Variants in AFAP1 observed in about 807,000 individuals in gnomAD.
AFAP1 encodes actin filament associated protein 1, also known as actin filament-associated protein 1.
A neutral mutation model predicts 93.9 loss-of-function variants in AFAP1; 75 were observed. The observed-to-expected ratio is 0.80, with a 90% CI of 0.66 to 0.97. The LOEUF is 0.97. AFAP1 is among the 50% of genes least tolerant of loss of function. The pLI is 0.00. For synonymous variants in AFAP1, 517 were observed against 430.7 expected (o/e 1.20, Z -2.48); for missense variants, 1,201 against 1,050.8 (o/e 1.14, Z -1.98).
chr4:7,894,791 A>G (rs78048305), intron 1 of AFAP1, among the ~76,000 whole-genome samples: 2,041 of 152,250 alleles, frequency 0.013, 27 homozygotes, highest in Middle Eastern at 0.024. Flanking sequence ...TGGGGGCCCT[A>G]GGTTCTGCTG....
chr4:7,895,724 C>G (rs1007683362), intron 1 of AFAP1, among the ~76,000 whole-genome samples: 1 of 152,094 alleles, frequency 6.6e-6, no homozygotes, highest in Admixed American at 6.5e-5. Flanking sequence ...GCTCAGTGAA[C>G]AATAGCTGCC....
chr4:7,826,733 G>A (rs547160052), intron 6 of AFAP1, among the ~76,000 whole-genome samples: 1 of 152,304 alleles, frequency 6.6e-6, no homozygotes, highest in Admixed American at 6.5e-5. Context: ...AGGTGAAGCT[G>A]CAACAACGTG....
intron 1 of AFAP1, among the ~76,000 whole-genome samples, chr4:7,918,576 A>G (rs113105431): frequency 4.0e-3 from 214 of 53,386 alleles, no homozygotes; most frequent in Admixed American, 6.6e-3. Flanking sequence ...CTCGGCCCAG[A>G]TCACCCGCAA....
At chr4:7,848,133 G>GAAGGAAGGAAGGAAGGAAGGA (rs1560197099) in intron 4 of AFAP1, among the ~76,000 whole-genome samples, 1 of 69,744 alleles carries the variant, frequency 1.4e-5, no homozygotes, top group African/African-American at 9.8e-5. Flanking sequence ...GGAAGGGAGT[G>GAAGGAAGGAAGGAAGGAAGGA]AGTGAGGGAG....
intron 1 of AFAP1, among the ~76,000 whole-genome samples, chr4:7,937,900 A>T (rs1721483246): frequency 6.6e-6 from 1 of 152,228 alleles, no homozygotes; most frequent in Admixed American, 6.5e-5. Context: ...GATTTAAAAT[A>T]GCATGAATAC....
Position 7,939,264 on chromosome 4 carries a change from CG to C in AFAP1, c.-3+391del. 1 of 306,026 alleles carries C rather than the reference CG, an allele frequency of 3.3e-6. No individual in the cohort carries two copies. The highest frequency in any genetic ancestry group is 4.2e-5 in the Admixed American group (1 of 24,092). The allele number at this position is 306,026 out of a possible 1,614,324, so 19.0% of individuals were successfully genotyped here. On this transcript the variant is annotated intron_variant, in intron 1 of 17. Transcript: ENST00000420658. The surrounding 1 kb of genome is among the most constrained non-coding windows in gnomAD (Gnocchi z 5.6). ...TAAGTCGGACGAAGCAGTCTCGCTA[CG>C]GGGGAGGGCGGCGGAGCCTCCCACT...
At chr4:7,793,587 G>A (rs1200622644) in intron 11 of AFAP1, 94 bp downstream of exon 11, 1 of 1,265,834 alleles carries the variant, frequency 7.9e-7, no homozygotes, top group East Asian at 2.7e-5. Context: ...TTTTCTTCTG[G>A]GTCTATATCC....
chr4:7,888,847 G>C (rs1718275879), intron 1 of AFAP1, among the ~76,000 whole-genome samples: 2 of 152,096 alleles, frequency 1.3e-5, no homozygotes, highest in African/African-American at 4.8e-5. Flanking sequence ...CTGGAGTGCA[G>C]TGGCATGATC....
intron 4 of AFAP1, among the ~76,000 whole-genome samples, chr4:7,846,883 T>C (rs528087687): frequency 8.1e-4 from 124 of 152,322 alleles, no homozygotes; most frequent in East Asian, 2.1e-3. Flanking sequence ...TCCAGGAGCA[T>C]AGGCTTGGTG....
chr4:7,908,127 G>C (rs753569800), intron 1 of AFAP1, among the ~76,000 whole-genome samples: 1 of 151,916 alleles, frequency 6.6e-6, no homozygotes, highest in Non-Finnish European at 1.5e-5. Flanking sequence ...CACGAGAATC[G>C]CTTGAACCTG....
chr4:7,885,786 T>C (rs1480796427), intron 1 of AFAP1, among the ~76,000 whole-genome samples: 4 of 152,208 alleles, frequency 2.6e-5, no homozygotes, highest in Non-Finnish European at 5.9e-5. Flanking sequence ...TCTCAGAACA[T>C]ACAAAAATTC....
chr4:7,916,544 T>C (rs1241330171), intron 1 of AFAP1, among the ~76,000 whole-genome samples: 1 of 152,108 alleles, frequency 6.6e-6, no homozygotes, highest in Admixed American at 6.5e-5. Context: ...CAGCATCAAG[T>C]CCACTTACTA....
rs574040355 is a variant in AFAP1, at chr4:7,844,455, A to C, written c.335-1105T>G. 3.3e-5 allele frequency among the ~76,000 whole-genome samples: 5 copies of C among 152,284 alleles called. No individual in the cohort carries two copies. The East Asian group carries it at 9.7e-4, about 29-fold the overall frequency. On this transcript the variant is annotated intron_variant, in intron 4 of 17. Coordinates refer to ENST00000420658, the MANE Select transcript of AFAP1 (RefSeq NM_001134647.2). ...AAGCCCCCCAGTGGTGGCATTTGTC[A>C]CTGCGGCATGAGCAGACTAATACAC... is the stretch of plus-strand genomic sequence containing the variant.
chr4:7,764,170 T>C (rs140027746), intron 17 of AFAP1, among the ~76,000 whole-genome samples: 28 of 152,280 alleles, frequency 1.8e-4, no homozygotes, highest in African/African-American at 5.5e-4. Context: ...GAGGACATGA[T>C]CAGAAACAGG....
chr4:7,808,204 C>T (rs546838440), intron 9 of AFAP1, among the ~76,000 whole-genome samples: 19 of 152,282 alleles, frequency 1.2e-4, no homozygotes, highest in African/African-American at 4.3e-4. Flanking sequence ...AAACGTAGCT[C>T]ATCAAGTTTT....
intron 10 of AFAP1, 118 bp from the exon 11 acceptor site, chr4:7,793,944 A>C (rs1718141039): frequency 1.7e-6 from 2 of 1,166,420 alleles, no homozygotes; most frequent in Non-Finnish European, 1.1e-6. Context: ...GTCCCTAAGA[A>C]GAAACGAAAA....
In AFAP1 at chr4:7,819,158, G is replaced by T. The variant is rs745489376; in HGVS notation, c.740C>A (p.Ala247Asp). Residue 247 changes from alanine (A) to aspartate (D), a missense_variant, in exon 7 of 18, where the codon GCC becomes GAC. Transcript: ENST00000420658. ...AEQWLKVIKE[A>D]YSGCSGPVDS... ...CACGGGGCCACTACAACCACTGTAG[G>T]CTTCTTTGATCACCTATAAAAAGCA... The T allele has an allele frequency of 8.1e-6, 13 of 1,611,640 alleles. No individual in the cohort carries two copies. Among genetic ancestry groups the T allele is most frequent in the South Asian group, 2.2e-5 (2 of 90,540 alleles).
intron 2 of AFAP1, among the ~76,000 whole-genome samples, chr4:7,871,140 G>A (rs1044759569): frequency 5.3e-5 from 8 of 152,110 alleles, no homozygotes; most frequent in African/African-American, 1.4e-4. Flanking sequence ...GCACTTAGCA[G>A]GCTTTCTTAT....
chr4:7,931,928 T>G (rs778461207), intron 1 of AFAP1, among the ~76,000 whole-genome samples: 2 of 152,088 alleles, frequency 1.3e-5, no homozygotes, highest in Non-Finnish European at 2.9e-5. Flanking sequence ...TGGCGCGATC[T>G]TGGCTCACTG....
Sources: allele counts gnomAD v4.1 joint callset (sites outside exome capture counted in the v4.1 genomes callset), GRCh38; gene constraint gnomAD v4.1.1; non-coding constraint Gnocchi (gnomAD v3.1); transcripts MANE v1.5; gene names NCBI Gene and HGNC (gene_info 2026-07-23, HGNC 2026-07-21).